Variants in KLF7 observed in about 807,000 individuals in gnomAD.
KLF7 encodes the protein KLF transcription factor 7, also known as Krueppel-like factor 7.
In KLF7, 2 loss-of-function variants were observed where a neutral mutation model predicts 27.3. The ratio of observed to expected loss-of-function variants is 0.07; its 90% CI spans 0.03 to 0.23. KLF7 has a LOEUF of 0.23. Among genes scored for constraint, KLF7 ranks in the 10% least tolerant of loss-of-function variants. The pLI, the probability that KLF7 is intolerant of heterozygous loss-of-function variation, is 1.00. For missense variants in KLF7, 221 were observed against 394.1 expected (o/e 0.56, Z 3.72); for synonymous variants, 165 against 162.4 (o/e 1.02, Z -0.12).
chr2:207,165,811 G>A lies in KLF7; in HGVS notation c.-243C>T, dbSNP rs988914071. 4 of 1,355,834 alleles carry A rather than the reference G, an allele frequency of 3.0e-6. No individual in the cohort carries two copies. Among genetic ancestry groups the A allele is most frequent in the East Asian group, 2.7e-5 (1 of 37,680 alleles). 84.0% of individuals were successfully genotyped at this position (1,355,834 alleles called of 1,614,324 possible). A position where few individuals can be genotyped will look rare whatever the true frequency, so the allele number is the denominator to read the frequency against. On this transcript the variant is annotated 5_prime_UTR_variant, in exon 1 of 4. Transcript: ENST00000309446. ...AGAGGCATCCAGCGTGTACAGTGCAGACGACTGCCAGGAAAAGGGGACTTC... is the reference window on the plus strand; with the variant it reads ...AGAGGCATCCAGCGTGTACAGTGCAAACGACTGCCAGGAAAAGGGGACTTC...
intron 2 of KLF7, among the ~76,000 whole-genome samples, chr2:207,098,778 A>ATTTTTTTTTT (rs1182598901): frequency 3.8e-5 from 4 of 104,676 alleles, no homozygotes; most frequent in East Asian, 2.8e-4. Flanking sequence ...CACTTGGCTA[A>ATTTTTTTTTT]TTTTTTTTTT....
At chr2:207,110,693 G>A (rs1425645824) in intron 2 of KLF7, among the ~76,000 whole-genome samples, 1 of 152,202 alleles carries the variant, frequency 6.6e-6, no homozygotes, top group East Asian at 1.9e-4. Context: ...TGGAGGTAGG[G>A]AGATTTCTTT....
intron 1 of KLF7, among the ~76,000 whole-genome samples, chr2:207,157,471 G>C (rs544477655): frequency 2.0e-5 from 3 of 152,110 alleles, no homozygotes; most frequent in Non-Finnish European, 2.9e-5. Context: ...ACAGAAGCAG[G>C]AAAAGCATAG....
intron 1 of KLF7, among the ~76,000 whole-genome samples, chr2:207,161,755 T>A (rs2078554232): frequency 6.6e-6 from 1 of 152,166 alleles, no homozygotes. Flanking sequence ...GAAATTGCAG[T>A]GTTATGGGGA....
chr2:207,133,170 C>T lies in KLF7; in HGVS notation c.103-8766G>A, dbSNP rs192420395. 1.9e-3 allele frequency among the ~76,000 whole-genome samples: 290 copies of T among 152,296 alleles called. 1 individual carries two copies. The highest frequency in any genetic ancestry group is 6.9e-3 in the African/African-American group (288 of 41,548). On this transcript the variant is annotated intron_variant, in intron 1 of 3. Transcript: ENST00000309446. ...CCTATGCCCTCATCTCCCAACCAGGCCCCTATTCAGGTTGGCACTCACTGG... is the reference window on the plus strand; with the variant it reads ...CCTATGCCCTCATCTCCCAACCAGGTCCCTATTCAGGTTGGCACTCACTGG...
chr2:207,129,107 A>T (rs1201324384), intron 1 of KLF7, among the ~76,000 whole-genome samples: 1 of 152,220 alleles, frequency 6.6e-6, no homozygotes, highest in Non-Finnish European at 1.5e-5. Context: ...GTCTAAACTA[A>T]CTTCAAAAAA....
chr2:207,145,812 T>C (rs560213686), intron 1 of KLF7, among the ~76,000 whole-genome samples: 3 of 146,860 alleles, frequency 2.0e-5, no homozygotes, highest in African/African-American at 4.9e-5. Context: ...CCTCAGCACC[T>C]AGCACAGTGT....
At chr2:207,171,822 C>G (rs1297056284), upstream of KLF7, among the ~76,000 whole-genome samples, 4 of 152,058 alleles carry the variant, frequency 2.6e-5, no homozygotes, top group East Asian at 5.8e-4. Context: ...CTTGCATGAC[C>G]CACTTTATTG....
chr2:207,159,155 G>A (rs534175374), intron 1 of KLF7, among the ~76,000 whole-genome samples: 1 of 152,334 alleles, frequency 6.6e-6, no homozygotes, highest in East Asian at 1.9e-4. Flanking sequence ...TTCAAAAATA[G>A]ATATCGCATA....
chr2:207,079,067 T>C lies in KLF7; in HGVS notation c.*2146A>G, dbSNP rs1033321718. On this transcript the variant is annotated 3_prime_UTR_variant, in exon 4 of 4. Coordinates refer to ENST00000309446, the MANE Select transcript of KLF7 (RefSeq NM_003709.4). ...TTTTTTTCGTTTTGTATTATTTTGT[T>C]TTTTTTTTTGTTTTTGTTTTTGTTT... 6 of 5,918 alleles carry C rather than the reference T, an allele frequency of 1.0e-3. No individual in the cohort carries two copies. In the African/African-American group the frequency reaches 0.011, roughly 11 times the overall value. The allele number at this position is 5,918 out of a possible 1,614,324, so 0.4% of individuals were successfully genotyped here. A position where few individuals can be genotyped will look rare whatever the true frequency, so the allele number is the denominator to read the frequency against.
At chr2:207,120,153 T>C (rs926031694) in intron 2 of KLF7, among the ~76,000 whole-genome samples, 1 of 152,152 alleles carries the variant, frequency 6.6e-6, no homozygotes, top group Non-Finnish European at 1.5e-5. Context: ...TAGCTACCAA[T>C]GTGAACATCT....
At chr2:207,166,117 A>ACTCC (rs1269955885), upstream of KLF7, 23 of 948,546 alleles carry the variant, frequency 2.4e-5, no homozygotes, top group Non-Finnish European at 2.6e-5. Flanking sequence ...CCCTCCCCAA[A>ACTCC]CTCCCTCCCT....
chr2:207,134,886 G>A (rs999258779), intron 1 of KLF7, among the ~76,000 whole-genome samples: 2 of 152,216 alleles, frequency 1.3e-5, no homozygotes, highest in African/African-American at 2.4e-5. Flanking sequence ...AGCATTGTGA[G>A]AGTTCAATCA....
At chr2:207,143,382 A>G (rs1477765420) in intron 1 of KLF7, among the ~76,000 whole-genome samples, 1 of 149,464 alleles carries the variant, frequency 6.7e-6, no homozygotes, top group African/African-American at 2.5e-5. Flanking sequence ...AAGAGGAACA[A>G]AAGAAATGAC....
intron 1 of KLF7, among the ~76,000 whole-genome samples, chr2:207,144,494 T>A (rs2078041065): frequency 6.6e-6 from 1 of 152,200 alleles, no homozygotes; most frequent in Admixed American, 6.5e-5. Flanking sequence ...GTGTTCCTTC[T>A]GATTTGCCTA....
chr2:207,081,947 C>A (rs9678413), intron 3 of KLF7, among the ~76,000 whole-genome samples: 1 of 151,562 alleles, frequency 6.6e-6, no homozygotes, highest in Non-Finnish European at 1.5e-5. Context: ...CCCAATATCA[C>A]GCCATCCTCA....
chr2:207,140,361 T>C (rs1307078896), intron 1 of KLF7, among the ~76,000 whole-genome samples: 1 of 152,186 alleles, frequency 6.6e-6, no homozygotes, highest in Non-Finnish European at 1.5e-5. Flanking sequence ...TTAATAAATA[T>C]GAAAATACAA....
At chr2:207,146,671 T>C (rs1490072788) in intron 1 of KLF7, among the ~76,000 whole-genome samples, 1 of 152,134 alleles carries the variant, frequency 6.6e-6, no homozygotes, top group Admixed American at 6.5e-5. Context: ...TTTCTTCCTT[T>C]TACTTATTCC....
chr2:207,103,081 C>T (rs1437951155), intron 2 of KLF7, among the ~76,000 whole-genome samples: 4 of 152,096 alleles, frequency 2.6e-5, no homozygotes, highest in Admixed American at 2.0e-4. Context: ...GTGCCCGCCA[C>T]CACACCCAGC....
Sources: gnomAD v4.1 joint callset for allele counts (sites outside exome capture counted in the v4.1 genomes callset) on GRCh38, gnomAD v4.1.1 for gene constraint, MANE v1.5 for transcripts, NCBI Gene and HGNC (gene_info 2026-07-23, HGNC 2026-07-21) for gene names.